Variants in CATSPERT observed in about 807,000 individuals in gnomAD.
The protein encoded by CATSPERT is catsper channel auxiliary subunit tau, also known as cation channel sperm-associated targeting subunit tau.
chr2:201,575,215 G>A, the CATSPERT span: 5 of 1,299,884 alleles, frequency 3.8e-6, no homozygotes, highest in African/African-American at 6.1e-5. Flanking sequence ...TCAGAGTAAA[G>A]TTACATGAAA....
the CATSPERT span, among the ~76,000 whole-genome samples, chr2:201,515,992 C>T: frequency 9.9e-5 from 15 of 152,150 alleles, no homozygotes; most frequent in Non-Finnish European, 1.3e-4. Context: ...CACTGAGAAA[C>T]GTGTTATCAG....
At chr2:201,488,848 G>A in the CATSPERT span, among the ~76,000 whole-genome samples, 1 of 152,214 alleles carries the variant, frequency 6.6e-6, no homozygotes, top group Non-Finnish European at 1.5e-5. Context: ...TTCTGCCTGA[G>A]TTTGGAGAAG....
At chr2:201,493,267 G>A in the CATSPERT span, 1 of 1,536,422 alleles carries the variant, frequency 6.5e-7, no homozygotes. Context: ...TTCTTTATTT[G>A]CTATTGAATA....
At chr2:201,494,552 T>C in the CATSPERT span, 3 of 1,537,084 alleles carry the variant, frequency 2.0e-6, no homozygotes, top group Non-Finnish European at 2.6e-6. Flanking sequence ...GTTGTGAAGA[T>C]ATTAGGGTCA....
the CATSPERT span, among the ~76,000 whole-genome samples, chr2:201,500,327 A>G: frequency 1.3e-5 from 2 of 152,088 alleles, no homozygotes; most frequent in African/African-American, 4.8e-5. Context: ...ATCCTGGCTA[A>G]CACGGTGAAA....
the CATSPERT span, among the ~76,000 whole-genome samples, chr2:201,497,793 G>A: frequency 5.3e-5 from 8 of 152,154 alleles, no homozygotes; most frequent in Non-Finnish European, 7.4e-5. Flanking sequence ...AACCAATACC[G>A]GAGCTTCAAG....
chr2:201,500,106 C>T, the CATSPERT span, among the ~76,000 whole-genome samples: 1 of 152,094 alleles, frequency 6.6e-6, no homozygotes, highest in Non-Finnish European at 1.5e-5. Flanking sequence ...AAAAGAGCTA[C>T]ATCTTCTAGC....
At chr2:201,540,587 C>T in the CATSPERT span, among the ~76,000 whole-genome samples, 1 of 152,312 alleles carries the variant, frequency 6.6e-6, no homozygotes, top group East Asian at 1.9e-4. Context: ...GCATGGTTTA[C>T]TGAATATTTT....
chr2:201,606,418 A>C, the CATSPERT span, among the ~76,000 whole-genome samples: 1 of 152,254 alleles, frequency 6.6e-6, no homozygotes, highest in Non-Finnish European at 1.5e-5. Flanking sequence ...GGTCAAGCCA[A>C]GGATTTTTAT....
chr2:201,605,652 A>C, the CATSPERT span, among the ~76,000 whole-genome samples: 1 of 152,206 alleles, frequency 6.6e-6, no homozygotes, highest in African/African-American at 2.4e-5. Context: ...ACTCCATTAA[A>C]AGCTATTATA....
chr2:201,589,951 T>C, the CATSPERT span, among the ~76,000 whole-genome samples: 2 of 152,034 alleles, frequency 1.3e-5, no homozygotes, highest in Non-Finnish European at 2.9e-5. Flanking sequence ...ACAAAGGACA[T>C]AAACGGATAC....
At chr2:201,493,399 C>G in the CATSPERT span, 11 of 1,537,030 alleles carry the variant, frequency 7.2e-6, no homozygotes, top group South Asian at 1.2e-4. Flanking sequence ...TGTCTCGCTT[C>G]TGATTTCTGA....
At chr2:201,504,962 A>G in the CATSPERT span, among the ~76,000 whole-genome samples, 1 of 152,238 alleles carries the variant, frequency 6.6e-6, no homozygotes, top group Non-Finnish European at 1.5e-5. Flanking sequence ...TCTGCCAGGT[A>G]AAAGAAATAT....
At chr2:201,524,104 C>T in the CATSPERT span, among the ~76,000 whole-genome samples, 1 of 151,906 alleles carries the variant, frequency 6.6e-6, no homozygotes, top group African/African-American at 2.4e-5. Context: ...AATCCCCATC[C>T]CCAAGACATA....
the CATSPERT span, among the ~76,000 whole-genome samples, chr2:201,488,729 T>G: frequency 1.3e-5 from 2 of 152,138 alleles, no homozygotes; most frequent in African/African-American, 4.8e-5. Context: ...TTAATAGAAC[T>G]GGGGATCAGG....
chr2:201,615,922 T>C, the CATSPERT span, among the ~76,000 whole-genome samples: 1 of 152,108 alleles, frequency 6.6e-6, no homozygotes, highest in Non-Finnish European at 1.5e-5. Flanking sequence ...GAGAATACTA[T>C]AAACACCTCT....
chr2:201,600,907 AT>A, the CATSPERT span, among the ~76,000 whole-genome samples: 2 of 152,114 alleles, frequency 1.3e-5, no homozygotes, highest in African/African-American at 4.8e-5. Context: ...GTGCACCACC[AT>A]GCCTGGCTAA....
At chr2:201,545,623 T>G in the CATSPERT span, 1 of 483,356 alleles carries the variant, frequency 2.1e-6, no homozygotes, top group Non-Finnish European at 3.1e-6. Context: ...ATTAGTTTCC[T>G]AGAAGCAAAA....
At chr2:201,548,622 GA>G in the CATSPERT span, among the ~76,000 whole-genome samples, 1 of 151,970 alleles carries the variant, frequency 6.6e-6, no homozygotes, top group Non-Finnish European at 1.5e-5. Context: ...CAAAAAGCTT[GA>G]ATACCTTAAA....
Sources: gnomAD v4.1 joint callset for allele counts (sites outside exome capture counted in the v4.1 genomes callset) on GRCh38, gnomAD v4.1.1 for gene constraint, MANE v1.5 for transcripts, NCBI Gene and HGNC (gene_info 2026-07-23, HGNC 2026-07-21) for gene names.